CCDC171: variants seen among roughly 807,000 people sequenced by gnomAD.
CCDC171 encodes coiled-coil domain-containing protein 171.
Under a neutral mutation model 168.2 loss-of-function variants are expected in CCDC171, and 177 were observed. The observed-to-expected ratio is 1.05, with a 90% CI of 0.93 to 1.19. The LOEUF is 1.19. Among genes scored for constraint, CCDC171 ranks in the 50% most tolerant of loss-of-function variants. The pLI is 0.00. For missense variants in CCDC171, 1,991 were observed against 1,539.0 expected (o/e 1.29, Z -4.91); for synonymous variants, 687 against 540.8 (o/e 1.27, Z -3.75).
intron 24 of CCDC171, among the ~76,000 whole-genome samples, chr9:15,878,216 T>C (rs1202863255): frequency 2.0e-5 from 3 of 152,188 alleles, no homozygotes; most frequent in African/African-American, 7.2e-5. Context: ...GGGAAAAATA[T>C]TGCAAACTGT....
intron 25 of CCDC171, among the ~76,000 whole-genome samples, chr9:15,925,612 A>G (rs1449568972): frequency 6.6e-6 from 1 of 151,586 alleles, no homozygotes; most frequent in Non-Finnish European, 1.5e-5. Context: ...AGAACAAGAG[A>G]AAATGGTGTG....
intron 25 of CCDC171, among the ~76,000 whole-genome samples, chr9:15,937,535 T>C (rs1353981717): frequency 1.3e-5 from 2 of 152,064 alleles, no homozygotes; most frequent in South Asian, 2.1e-4. Flanking sequence ...ATTTTAGATG[T>C]CTAAAATCCC....
intron 8 of CCDC171, among the ~76,000 whole-genome samples, chr9:15,661,670 T>A (rs2133055263): frequency 6.6e-6 from 1 of 152,332 alleles, no homozygotes; most frequent in East Asian, 1.9e-4. Flanking sequence ...GAATATGTAT[T>A]TGAAATTTGT....
intron 24 of CCDC171, among the ~76,000 whole-genome samples, chr9:15,909,274 T>C (rs995353547): frequency 2.0e-5 from 3 of 152,182 alleles, no homozygotes; most frequent in Non-Finnish European, 2.9e-5. Flanking sequence ...TATTCTCTTA[T>C]TTTAAATAGG....
intron 24 of CCDC171, among the ~76,000 whole-genome samples, chr9:15,909,315 C>T (rs1353262859): frequency 6.6e-6 from 1 of 152,124 alleles, no homozygotes; most frequent in Non-Finnish European, 1.5e-5. Context: ...GTGATCCTTT[C>T]TACTTTCTAT....
chr9:15,664,327 C>T (rs573297855), intron 8 of CCDC171, among the ~76,000 whole-genome samples: 214 of 152,258 alleles, frequency 1.4e-3, no homozygotes, highest in African/African-American at 4.9e-3. Context: ...TGGCTCACTA[C>T]AGCCTTGACT....
chr9:15,881,854 G>A (rs921202494), intron 24 of CCDC171, among the ~76,000 whole-genome samples: 1 of 151,928 alleles, frequency 6.6e-6, no homozygotes, highest in Non-Finnish European at 1.5e-5. Context: ...ATTTATTAAC[G>A]GCCACTTAGG....
rs536988904 is a variant in CCDC171, at chr9:15,810,191, A to G, written c.3267+25497A>G. Among the ~76,000 whole-genome samples, 18 of 152,134 alleles carry G rather than the reference A, an allele frequency of 1.2e-4. 1 individual carries two copies. The South Asian group carries it at 2.7e-3, about 23-fold the overall frequency. Reference sequence around the variant, plus strand: ...ACACAAAGTTCTCCAAGTCCCCACCAGATTAGCTAGATACAGAGTGCTGAT... The same window carrying G: ...ACACAAAGTTCTCCAAGTCCCCACCGGATTAGCTAGATACAGAGTGCTGAT... On this transcript the variant is annotated intron_variant, in intron 21 of 25. Coordinates refer to ENST00000380701, the MANE Select transcript of CCDC171 (RefSeq NM_173550.4).
chr9:16,052,986 T>G (rs2133073938), intron 1 of CCDC171, among the ~76,000 whole-genome samples: 1 of 152,278 alleles, frequency 6.6e-6, no homozygotes, highest in African/African-American at 2.4e-5. Context: ...AAGATCCCTC[T>G]CCCTCGCCAG....
chr9:15,878,614 A>G (rs149760942), intron 24 of CCDC171, among the ~76,000 whole-genome samples: 1 of 152,118 alleles, frequency 6.6e-6, no homozygotes, highest in East Asian at 1.9e-4. Flanking sequence ...TTGACCTAGC[A>G]CTCCCATTAC....
chr9:15,958,922 G>C (rs997716991), intron 25 of CCDC171, among the ~76,000 whole-genome samples: 2 of 152,088 alleles, frequency 1.3e-5, no homozygotes, highest in Non-Finnish European at 2.9e-5. Flanking sequence ...GATATAGCAG[G>C]GAGCAAGCAG....
Position 15,724,769 on chromosome 9 carries a change from A to G in CCDC171, c.1492-7A>G, listed in dbSNP as rs758110653. The stretch of plus-strand genomic sequence containing the variant: ...TCTACAATCTCTTTATTTGGTATCT[A>G]TGACAGGAACTTCAGGATAAACTGG... On this transcript the variant is annotated splice_region_variant and splice_polypyrimidine_tract_variant and intron_variant, in intron 13 of 25. Coordinates refer to ENST00000380701, the MANE Select transcript of CCDC171 (RefSeq NM_173550.4). 21 of 1,607,890 alleles carry G rather than the reference A, an allele frequency of 1.3e-5. No individual in the cohort carries two copies. The highest frequency in any genetic ancestry group is 3.3e-5 in the Admixed American group (2 of 59,962).
intron 6 of CCDC171, among the ~76,000 whole-genome samples, chr9:15,607,020 A>G (rs983569143): frequency 2.6e-5 from 4 of 152,234 alleles, no homozygotes; most frequent in African/African-American, 9.6e-5. Flanking sequence ...GTTTTTCTGT[A>G]AATTGCATGA....
At chr9:15,922,219 A>T in intron 25 of CCDC171, 1 of 354,426 alleles carries the variant, frequency 2.8e-6, no homozygotes, top group South Asian at 2.3e-5. Context: ...TTTTAGGAGA[A>T]TGCTGCCCAA....
intron 11 of CCDC171, among the ~76,000 whole-genome samples, chr9:15,699,692 G>T (rs572784804): frequency 6.6e-6 from 1 of 151,778 alleles, no homozygotes; most frequent in East Asian, 1.9e-4. Context: ...AGCTAGACAC[G>T]GGGTACTGAT....
chr9:15,661,703 A>G (rs550236003), intron 8 of CCDC171, among the ~76,000 whole-genome samples: 30 of 152,340 alleles, frequency 2.0e-4, no homozygotes, highest in African/African-American at 6.5e-4. Flanking sequence ...ATTTTGGCAT[A>G]AAAATGAGAA....
At chr9:15,629,086 CAG>C (rs1490536223) in intron 7 of CCDC171, among the ~76,000 whole-genome samples, 4 of 152,078 alleles carry the variant, frequency 2.6e-5, no homozygotes, top group Non-Finnish European at 4.4e-5. Flanking sequence ...GGGGAAAAAA[CAG>C]AGCAGAAAAA....
At chr9:15,858,791 C>G (rs753514038) in intron 23 of CCDC171, among the ~76,000 whole-genome samples, 3 of 152,060 alleles carry the variant, frequency 2.0e-5, no homozygotes, top group Non-Finnish European at 2.9e-5. Flanking sequence ...CTCATCTATT[C>G]TAAAGGGGTT....
Position 15,721,753 on chromosome 9 carries a change from C to G in CCDC171, c.1319-16C>G, listed in dbSNP as rs2053494738. On this transcript the variant is annotated splice_polypyrimidine_tract_variant and intron_variant, in intron 11 of 25. Transcript: ENST00000380701. Reference sequence around the variant, plus strand: ...GTGACTTTAAGGGTATATTTTCATCCTATATTTTTCTCTAGGCATCCACAA... The same window carrying G: ...GTGACTTTAAGGGTATATTTTCATCGTATATTTTTCTCTAGGCATCCACAA... 1 of 1,460,460 alleles carries G rather than the reference C, an allele frequency of 6.8e-7. No individual in the cohort carries two copies. Among genetic ancestry groups the G allele is most frequent in the Non-Finnish European group, 9.2e-7 (1 of 1,082,114 alleles). The allele number at this position is 1,460,460 out of a possible 1,614,324, so 90.5% of individuals were successfully genotyped here. A position where few individuals can be genotyped will look rare whatever the true frequency, so the allele number is the denominator to read the frequency against.
Sources: allele counts gnomAD v4.1 joint callset (sites outside exome capture counted in the v4.1 genomes callset), GRCh38; gene constraint gnomAD v4.1.1; transcripts MANE v1.5; gene names NCBI Gene and HGNC (gene_info 2026-07-23, HGNC 2026-07-21).